PTPRN2: variants seen among roughly 807,000 people sequenced by gnomAD.
PTPRN2 encodes receptor-type tyrosine-protein phosphatase N2.
Under a neutral mutation model 118.8 loss-of-function variants are expected in PTPRN2, and 74 were observed. The observed-to-expected ratio is 0.62, with a 90% CI of 0.52 to 0.76. PTPRN2 has a LOEUF of 0.76. Among genes scored for constraint, PTPRN2 ranks in the 30% least tolerant of loss-of-function variants. PTPRN2 has a pLI of 0.00. For missense variants in PTPRN2, 1,481 were observed against 1,394.4 expected (o/e 1.06, Z -0.99); for synonymous variants, 641 against 608.0 (o/e 1.05, Z -0.80).
intron 11 of PTPRN2, among the ~76,000 whole-genome samples, chr7:157,955,269 G>C (rs1021566285): frequency 6.6e-6 from 1 of 152,092 alleles, no homozygotes; most frequent in Non-Finnish European, 1.5e-5. Context: ...TATTTGTGCT[G>C]GATCACAGGT....
At chr7:158,144,398 G>A (rs1193945538) in intron 6 of PTPRN2, among the ~76,000 whole-genome samples, 1 of 152,226 alleles carries the variant, frequency 6.6e-6, no homozygotes, top group Non-Finnish European at 1.5e-5. Context: ...AGCACTTTGG[G>A]AGGCCAAGGT....
At chr7:157,673,877 C>G (rs1271474492) in intron 13 of PTPRN2, among the ~76,000 whole-genome samples, 1 of 143,584 alleles carries the variant, frequency 7.0e-6, no homozygotes, top group African/African-American at 2.5e-5. Context: ...TTTCCGGGTT[C>G]ACACTGGGGA....
intron 3 of PTPRN2, among the ~76,000 whole-genome samples, chr7:158,274,376 AG>A (rs1798805660): frequency 1.8e-5 from 2 of 108,782 alleles, no homozygotes; most frequent in Non-Finnish European, 3.7e-5. Flanking sequence ...CCGCAGACAC[AG>A]GGGGAGCCGC....
chr7:158,149,390 T>C (rs1585632359), intron 6 of PTPRN2, among the ~76,000 whole-genome samples: 1 of 151,786 alleles, frequency 6.6e-6, no homozygotes, highest in East Asian at 1.9e-4. Context: ...GTCTTTTCAG[T>C]ATAAACTCTT....
At chr7:158,392,644 C>T (rs1420058301) in intron 2 of PTPRN2, among the ~76,000 whole-genome samples, 1 of 152,144 alleles carries the variant, frequency 6.6e-6, no homozygotes, top group East Asian at 1.9e-4. Flanking sequence ...GCTACAGAAA[C>T]ACATTGTAGA....
At chr7:158,031,888 C>CA in intron 11 of PTPRN2, among the ~76,000 whole-genome samples, 1 of 152,232 alleles carries the variant, frequency 6.6e-6, no homozygotes, top group Non-Finnish European at 1.5e-5. Context: ...TGCAAAACTA[C>CA]AAAGACGGTG....
At chr7:158,247,952 C>T (rs537119266) in intron 3 of PTPRN2, among the ~76,000 whole-genome samples, 3 of 152,154 alleles carry the variant, frequency 2.0e-5, no homozygotes. Flanking sequence ...CGCACAAGAC[C>T]CCAGCCTGGA....
At chr7:158,056,240 T>C (rs1033295527) in intron 11 of PTPRN2, among the ~76,000 whole-genome samples, 5 of 152,094 alleles carry the variant, frequency 3.3e-5, no homozygotes, top group African/African-American at 4.8e-5. Flanking sequence ...CCAGACAAGG[T>C]CAGATCTCCT....
intron 11 of PTPRN2, among the ~76,000 whole-genome samples, chr7:158,008,314 C>CTTATT (rs1585193070): frequency 6.6e-6 from 1 of 152,174 alleles, no homozygotes; most frequent in East Asian, 1.9e-4. Context: ...GGAATAATTG[C>CTTATT]CCATTCTTAT....
intron 3 of PTPRN2, among the ~76,000 whole-genome samples, chr7:158,299,095 G>A (rs904116642): frequency 1.3e-5 from 2 of 152,172 alleles, no homozygotes; most frequent in African/African-American, 2.4e-5. Context: ...GGTGAGCGAT[G>A]ATGTCAGTGC....
chr7:158,499,799 G>A (rs1308157247), intron 1 of PTPRN2, among the ~76,000 whole-genome samples: 1 of 145,456 alleles, frequency 6.9e-6, no homozygotes, highest in Non-Finnish European at 1.5e-5. Flanking sequence ...GTGTGTGTGT[G>A]TGTGTGTGTA....
intron 12 of PTPRN2, among the ~76,000 whole-genome samples, chr7:157,706,923 G>A (rs957600968): frequency 5.9e-5 from 9 of 151,402 alleles, no homozygotes; most frequent in Admixed American, 2.0e-4. Flanking sequence ...GCCGGGAACT[G>A]AGCAAATCTG....
chr7:158,154,061 C>A (rs1339995117), intron 6 of PTPRN2, among the ~76,000 whole-genome samples: 4 of 152,166 alleles, frequency 2.6e-5, no homozygotes, highest in Admixed American at 1.3e-4. Flanking sequence ...CCCTCAGGAG[C>A]CCGGCAGGCA....
chr7:158,397,268 A>G (rs2151392867), intron 2 of PTPRN2, among the ~76,000 whole-genome samples: 1 of 152,314 alleles, frequency 6.6e-6, no homozygotes, highest in African/African-American at 2.4e-5. Flanking sequence ...GCTTGTGCCC[A>G]ATGTGGGGCC....
intron 6 of PTPRN2, among the ~76,000 whole-genome samples, chr7:158,159,270 G>T (rs1290877641): frequency 2.0e-5 from 3 of 152,256 alleles, no homozygotes; most frequent in African/African-American, 7.2e-5. Flanking sequence ...GAGTTGCACG[G>T]CCGGCAGCAG....
At chr7:157,642,358 TA>T (rs1563292444) in intron 14 of PTPRN2, among the ~76,000 whole-genome samples, 1 of 152,236 alleles carries the variant, frequency 6.6e-6, no homozygotes, top group East Asian at 1.9e-4. Flanking sequence ...TGCATTTTAT[TA>T]AACTCGTGTT....
At chr7:158,394,138 A>C in intron 2 of PTPRN2, among the ~76,000 whole-genome samples, 1 of 120,372 alleles carries the variant, frequency 8.3e-6, no homozygotes, top group South Asian at 3.1e-4. Context: ...CCCCACGGAC[A>C]CCTCAACCCC....
chr7:158,575,524 C>T (rs1828274616), intron 1 of PTPRN2, among the ~76,000 whole-genome samples: 1 of 152,112 alleles, frequency 6.6e-6, no homozygotes. Context: ...GCCACCAGGC[C>T]CAGCTAATTT....
At chr7:158,180,840 TGGA>T (rs1447864499) in intron 5 of PTPRN2, among the ~76,000 whole-genome samples, 1 of 152,222 alleles carries the variant, frequency 6.6e-6, no homozygotes, top group Non-Finnish European at 1.5e-5. Flanking sequence ...AGGAGTCTTT[TGGA>T]GGAGTCTTTA....
Sources: gnomAD v4.1 joint callset for allele counts (sites outside exome capture counted in the v4.1 genomes callset) on GRCh38, gnomAD v4.1.1 for gene constraint, MANE v1.5 for transcripts, NCBI Gene and HGNC (gene_info 2026-07-23, HGNC 2026-07-21) for gene names.